The following RANBP2 variants were observed in gnomAD, a reference collection of about 807,000 sequenced individuals.
The protein encoded by RANBP2 is RAN binding protein 2.
A neutral mutation model predicts 303.6 loss-of-function variants in RANBP2; 57 were observed. The observed-to-expected ratio is 0.19, with a 90% CI of 0.15 to 0.23. The LOEUF is 0.23. RANBP2 is among the 10% of genes least tolerant of loss of function. The pLI is 1.00. For synonymous variants in RANBP2, 1,167 were observed against 1,301.5 expected, an observed-to-expected ratio of 0.90 and a Z score of 2.23; for missense variants, 3,138 against 3,780.8, an observed-to-expected ratio of 0.83 and a Z score of 4.46.
chr2:109,306,475 C>A, the RANBP2 span, among the ~76,000 whole-genome samples: 2 of 152,218 alleles, frequency 1.3e-5, no homozygotes, highest in Non-Finnish European at 2.9e-5. Context: ...GGTATGGGAG[C>A]AGAGCAGGTG....
chr2:109,233,150 G>C, the RANBP2 span, among the ~76,000 whole-genome samples: 1 of 152,192 alleles, frequency 6.6e-6, no homozygotes, highest in African/African-American at 2.4e-5. Flanking sequence ...TGGATGGCTA[G>C]GTGTTAACCA....
At chr2:109,465,989 A>G in the RANBP2 span, among the ~76,000 whole-genome samples, 1 of 148,122 alleles carries the variant, frequency 6.8e-6, no homozygotes, top group Non-Finnish European at 1.5e-5. Context: ...ATTCAGCATG[A>G]GCTATGGTGG....
chr2:108,819,196 G>A, the RANBP2 span, among the ~76,000 whole-genome samples: 2 of 152,172 alleles, frequency 1.3e-5, no homozygotes, highest in African/African-American at 4.8e-5. Flanking sequence ...TTGAGAAGCT[G>A]CAGCACTCAG....
the RANBP2 span, among the ~76,000 whole-genome samples, chr2:109,648,652 C>CTTT: frequency 9.1e-5 from 12 of 131,312 alleles, 1 homozygote; most frequent in Non-Finnish European, 1.1e-4. Context: ...TGATTTACAT[C>CTTT]TTTTTTTTTT....
the RANBP2 span, among the ~76,000 whole-genome samples, chr2:109,167,052 A>G: frequency 3.3e-5 from 5 of 152,342 alleles, no homozygotes; most frequent in East Asian, 9.7e-4. Context: ...CCGTGGGAAT[A>G]CCATGGAGGT....
At chr2:109,616,273 CCTCTT>C in the RANBP2 span, 1 of 666,256 alleles carries the variant, frequency 1.5e-6, no homozygotes. Flanking sequence ...TTGACCTGTA[CCTCTT>C]CTCTGCCCTC....
chr2:109,679,243 C>T, the RANBP2 span, among the ~76,000 whole-genome samples: 1 of 152,184 alleles, frequency 6.6e-6, no homozygotes, highest in African/African-American at 2.4e-5. Flanking sequence ...CAGAGCCTTG[C>T]CTTGTTTGAC....
chr2:109,213,831 C>T, the RANBP2 span, among the ~76,000 whole-genome samples: 8 of 152,172 alleles, frequency 5.3e-5, no homozygotes, highest in Non-Finnish European at 1.0e-4. Context: ...GCTGGAAGGG[C>T]AGGGTTACAG....
chr2:109,268,370 G>A, the RANBP2 span, among the ~76,000 whole-genome samples: 2 of 151,926 alleles, frequency 1.3e-5, no homozygotes, highest in Non-Finnish European at 2.9e-5. Flanking sequence ...TAGTGGGGAT[G>A]TCCGTTTCAC....
the RANBP2 span, among the ~76,000 whole-genome samples, chr2:109,560,997 C>T: frequency 6.6e-6 from 1 of 152,146 alleles, no homozygotes; most frequent in African/African-American, 2.4e-5. Flanking sequence ...CCTTCAATAC[C>T]TCCTTCACAT....
chr2:108,829,745 A>G, the RANBP2 span, among the ~76,000 whole-genome samples: 9 of 152,182 alleles, frequency 5.9e-5, no homozygotes, highest in Non-Finnish European at 1.2e-4. Flanking sequence ...GACTGTGTCA[A>G]TACATACATA....
intron 28 of RANBP2, among the ~76,000 whole-genome samples, chr2:108,783,333 TAAA>T (rs71381992): frequency 2.5e-3 from 104 of 41,420 alleles, no homozygotes; most frequent in African/African-American, 0.011. Context: ...AGCCTGTCAT[TAAA>T]AAAAAAAAAA....
At chr2:109,060,287 T>A in the RANBP2 span, among the ~76,000 whole-genome samples, 1 of 152,186 alleles carries the variant, frequency 6.6e-6, no homozygotes, top group African/African-American at 2.4e-5. Flanking sequence ...AATGAGCTGT[T>A]GGTAACCGAA....
the RANBP2 span, among the ~76,000 whole-genome samples, chr2:109,469,791 C>A: frequency 6.6e-6 from 1 of 152,168 alleles, no homozygotes; most frequent in South Asian, 2.1e-4. Flanking sequence ...AGCCAGAAAA[C>A]CGTGCTTTTC....
chr2:109,361,776 A>G, the RANBP2 span, among the ~76,000 whole-genome samples: 967 of 152,280 alleles, frequency 6.4e-3, 9 homozygotes, highest in East Asian at 0.048. Context: ...AGGCCTATTG[A>G]ATTATATATT....
the RANBP2 span, among the ~76,000 whole-genome samples, chr2:108,962,674 C>CAA: frequency 2.2e-4 from 15 of 66,866 alleles, no homozygotes; most frequent in East Asian, 1.3e-3. Flanking sequence ...GACTCTGTCT[C>CAA]AAAAAAAAAA....
chr2:108,754,428 C>T (rs1676141413), intron 15 of RANBP2, among the ~76,000 whole-genome samples: 1 of 150,930 alleles, frequency 6.6e-6, no homozygotes, highest in African/African-American at 2.5e-5. Flanking sequence ...AAATTATGTT[C>T]AGTCTTCTGA....
At chr2:108,816,322 G>A in the RANBP2 span, among the ~76,000 whole-genome samples, 10 of 152,040 alleles carry the variant, frequency 6.6e-5, no homozygotes, top group African/African-American at 1.7e-4. Context: ...ATTTTGGCAC[G>A]TGCCTGTAAT....
chr2:109,688,514 C>A, the RANBP2 span, among the ~76,000 whole-genome samples: 1 of 152,096 alleles, frequency 6.6e-6, no homozygotes, highest in East Asian at 1.9e-4. Flanking sequence ...TGGCAGCTCA[C>A]GCCTGTAATC....
Sources: allele counts gnomAD v4.1 joint callset (sites outside exome capture counted in the v4.1 genomes callset), GRCh38; gene constraint gnomAD v4.1.1; transcripts MANE v1.5; gene names NCBI Gene and HGNC (gene_info 2026-07-23, HGNC 2026-07-21).